GALNT7: variants seen among roughly 807,000 people sequenced by gnomAD.
GALNT7 encodes the protein polypeptide N-acetylgalactosaminyltransferase 7, also known as N-acetylgalactosaminyltransferase 7.
GALNT7 carries 60 observed loss-of-function variants against 82.1 expected under a neutral mutation model. The ratio of observed to expected loss-of-function variants is 0.73; its 90% CI spans 0.59 to 0.91. GALNT7 has a LOEUF of 0.91. Ranked by LOEUF, GALNT7 falls within the 40% of genes least tolerant of loss-of-function variation. The pLI is 0.00. For missense variants in GALNT7, 660 were observed against 804.2 expected, an observed-to-expected ratio of 0.82 and a Z score of 2.17; for synonymous variants, 243 against 275.1, an observed-to-expected ratio of 0.88 and a Z score of 1.15.
chr4:173,317,573 G>T (rs1737648517), intron 9 of GALNT7, 61 bp from the exon 10 acceptor site: 1 of 990,966 alleles, frequency 1.0e-6, no homozygotes, highest in Admixed American at 1.7e-5. Context: ...AAATTCTGAT[G>T]CCAGAGTTCA....
At chr4:173,232,602 T>TA (rs1264617772) in intron 1 of GALNT7, among the ~76,000 whole-genome samples, 1 of 151,902 alleles carries the variant, frequency 6.6e-6, no homozygotes, top group Admixed American at 6.6e-5. Flanking sequence ...CCTGCTGATT[T>TA]AAAAAAAATT....
chr4:173,312,534 A>G (rs1580013752), intron 8 of GALNT7, among the ~76,000 whole-genome samples: 1 of 152,220 alleles, frequency 6.6e-6, no homozygotes, highest in East Asian at 1.9e-4. Context: ...TAACAACCCA[A>G]ACTCCTCCCA....
rs545971441 is a variant in GALNT7, at chr4:173,258,574, T to C, written c.587+10134T>C. 7.9e-5 allele frequency among the ~76,000 whole-genome samples: 12 copies of C among 152,318 alleles called. No homozygotes were observed. In the South Asian group the frequency reaches 2.5e-3, roughly 32 times the overall value. On this transcript the variant is annotated intron_variant, in intron 2 of 11. Transcript: ENST00000265000. The stretch of plus-strand genomic sequence containing the variant: ...AGGATCAGCAGCATCACTGTCCCTG[T>C]GTTACACCTATATGCCTAGCAGTAT...
At chr4:173,171,053 CTT>C (rs1731849466) in intron 1 of GALNT7, among the ~76,000 whole-genome samples, 6 of 152,014 alleles carry the variant, frequency 3.9e-5, no homozygotes, top group Admixed American at 3.9e-4. Flanking sequence ...ATTTTAAAGA[CTT>C]AACATAATTA....
At chr4:173,256,529 A>G (rs1290133256) in intron 2 of GALNT7, among the ~76,000 whole-genome samples, 2 of 149,402 alleles carry the variant, frequency 1.3e-5, no homozygotes, top group African/African-American at 2.5e-5. Context: ...TTTAAGTCCT[A>G]TTGCCCTCCC....
At chr4:173,198,409 A>G (rs1732845372) in intron 1 of GALNT7, among the ~76,000 whole-genome samples, 1 of 152,044 alleles carries the variant, frequency 6.6e-6, no homozygotes, top group Non-Finnish European at 1.5e-5. Context: ...GGAGAAGGGC[A>G]CTTCTTAAAG....
rs551602145 is a variant in GALNT7 at position 173,317,422 on chromosome 4, TAGAG to T, written c.1609-210_1609-207del. 433 of 468,790 alleles carry T rather than the reference TAGAG, an allele frequency of 9.2e-4. 4 individuals carry two copies. The Admixed American group carries it at 0.015, about 16-fold the overall frequency. 29.0% of individuals were successfully genotyped at this position (468,790 alleles called of 1,614,324 possible). A position where few individuals can be genotyped will look rare whatever the true frequency, so the allele number is the denominator to read the frequency against. ...ACGGAAATGTATAGTCCTTTGCTCT[TAGAG>T]AAAGAACCCATTCCAGTGTTGACTT... On this transcript the variant is annotated intron_variant, in intron 9 of 11. Coordinates refer to ENST00000265000, the MANE Select transcript of GALNT7 (RefSeq NM_017423.3).
At chr4:173,179,488 C>T (rs960202863) in intron 1 of GALNT7, among the ~76,000 whole-genome samples, 1 of 152,168 alleles carries the variant, frequency 6.6e-6, no homozygotes, top group African/African-American at 2.4e-5. Flanking sequence ...CAAACCAAAC[C>T]TGATAAGATA....
chr4:173,202,767 C>T (rs2126656048), intron 1 of GALNT7, among the ~76,000 whole-genome samples: 1 of 152,288 alleles, frequency 6.6e-6, no homozygotes, highest in South Asian at 2.1e-4. Flanking sequence ...CCATGAGATA[C>T]ATACTATCAT....
intron 5 of GALNT7, among the ~76,000 whole-genome samples, chr4:173,297,364 G>A (rs899806530): frequency 6.6e-6 from 1 of 152,064 alleles, no homozygotes; most frequent in Admixed American, 6.5e-5. Context: ...AGGGTTGAGA[G>A]AACCGCTAAG....
At chr4:173,245,502 C>G (rs1457196489) in intron 1 of GALNT7, among the ~76,000 whole-genome samples, 1 of 152,120 alleles carries the variant, frequency 6.6e-6, no homozygotes, top group Non-Finnish European at 1.5e-5. Context: ...AACTACTCTT[C>G]TATATTTAAT....
chr4:173,172,227 C>T (rs1263341292), intron 1 of GALNT7, among the ~76,000 whole-genome samples: 7 of 152,186 alleles, frequency 4.6e-5, no homozygotes, highest in African/African-American at 7.2e-5. Context: ...TTTCTTCTCC[C>T]GTGATTCTTC....
Position 173,275,699 on chromosome 4 carries a change from T to C in GALNT7, c.588-16409T>C, listed in dbSNP as rs138939886. ...AATGGTCCACTTTCCTCCAAACCCATTGATTATTTAGACATGAAATAAATC... is the reference window on the plus strand; with the variant it reads ...AATGGTCCACTTTCCTCCAAACCCACTGATTATTTAGACATGAAATAAATC... On this transcript the variant is annotated intron_variant, in intron 2 of 11. Coordinates refer to ENST00000265000, the MANE Select transcript of GALNT7 (RefSeq NM_017423.3). 5.4e-3 allele frequency among the ~76,000 whole-genome samples: 817 copies of C among 152,336 alleles called. 10 individuals carry two copies. Among genetic ancestry groups the C allele is most frequent in the African/African-American group, 0.019 (782 of 41,568 alleles).
chr4:173,189,074 C>T (rs549057244), intron 1 of GALNT7, among the ~76,000 whole-genome samples: 56 of 152,344 alleles, frequency 3.7e-4, no homozygotes, highest in African/African-American at 1.3e-3. Flanking sequence ...ATTCTCAATC[C>T]TCAAACTTGA....
At chr4:173,206,917 G>A (rs1204232264) in intron 1 of GALNT7, among the ~76,000 whole-genome samples, 1 of 152,146 alleles carries the variant, frequency 6.6e-6, no homozygotes, top group African/African-American at 2.4e-5. Flanking sequence ...CCAGGCCTTT[G>A]GAAACTGCTG....
intron 8 of GALNT7, among the ~76,000 whole-genome samples, chr4:173,307,247 G>T (rs148114645): frequency 0.011 from 1,666 of 152,362 alleles, 19 homozygotes; most frequent in South Asian, 0.028. Context: ...TTGTAGAGTG[G>T]CTGGGGAGCT....
At chr4:173,254,832 G>C (rs1341703755) in intron 2 of GALNT7, among the ~76,000 whole-genome samples, 1 of 152,214 alleles carries the variant, frequency 6.6e-6, no homozygotes, top group Non-Finnish European at 1.5e-5. Context: ...AGATGGACAT[G>C]TTGCTTACTG....
chr4:173,267,532 T>G (rs1374310337), intron 2 of GALNT7, among the ~76,000 whole-genome samples: 2 of 152,180 alleles, frequency 1.3e-5, no homozygotes, highest in African/African-American at 4.8e-5. Context: ...TGGCCATTCC[T>G]TAGAATAGGC....
chr4:173,240,668 C>T (rs1004814944), intron 1 of GALNT7, among the ~76,000 whole-genome samples: 5 of 152,056 alleles, frequency 3.3e-5, no homozygotes, highest in African/African-American at 7.2e-5. Context: ...CGTGCCCAGC[C>T]GAAACTAAGA....
Sources: gnomAD v4.1 joint callset for allele counts (sites outside exome capture counted in the v4.1 genomes callset) on GRCh38, gnomAD v4.1.1 for gene constraint, MANE v1.5 for transcripts, NCBI Gene and HGNC (gene_info 2026-07-23, HGNC 2026-07-21) for gene names.